Variants in ALKAL1 observed in about 807,000 individuals in gnomAD.
The protein encoded by ALKAL1 is ALK and LTK ligand 1.
Under a neutral mutation model 13.5 loss-of-function variants are expected in ALKAL1, and 23 were observed. The observed-to-expected ratio is 1.70, with a 90% CI of 1.23 to 2.41. ALKAL1 has a LOEUF of 2.41. Among genes scored for constraint, ALKAL1 ranks in the 30% most tolerant of loss-of-function variants. The pLI, the probability that ALKAL1 is intolerant of heterozygous loss-of-function variation, is 0.00. For missense variants in ALKAL1, 181 were observed against 178.4 expected (o/e 1.01, Z -0.08); for synonymous variants, 85 against 77.7 (o/e 1.09, Z -0.49).
At chr8:52,538,649 C>T (rs1172577017) in intron 3 of ALKAL1, 142 bp from the exon 4 acceptor site, 1 of 605,688 alleles carries the variant, frequency 1.7e-6, no homozygotes, top group Non-Finnish European at 2.9e-6. Flanking sequence ...AATGGATTTT[C>T]TCATCAATTC....
intron 1 of ALKAL1, among the ~76,000 whole-genome samples, chr8:52,559,346 T>TA (rs1392166053): frequency 6.6e-6 from 1 of 152,112 alleles, no homozygotes; most frequent in Non-Finnish European, 1.5e-5. Flanking sequence ...GAGCTGTGGG[T>TA]ACATGCAAGG....
intron 1 of ALKAL1, among the ~76,000 whole-genome samples, chr8:52,548,129 G>A (rs922415699): frequency 1.3e-4 from 20 of 151,826 alleles, no homozygotes; most frequent in Non-Finnish European, 2.2e-4. Context: ...CCGGTGGATC[G>A]CCTGAGGTCA....
intron 4 of ALKAL1, among the ~76,000 whole-genome samples, chr8:52,536,501 G>A (rs1053153994): frequency 9.9e-5 from 15 of 152,254 alleles, no homozygotes; most frequent in East Asian, 9.7e-4. Flanking sequence ...GGGCTCCTAC[G>A]ATAAATTAGC....
intron 1 of ALKAL1, among the ~76,000 whole-genome samples, chr8:52,556,519 C>T (rs919179533): frequency 5.3e-5 from 8 of 151,466 alleles, no homozygotes; most frequent in South Asian, 2.1e-4. Flanking sequence ...TGGTGGCGCG[C>T]GCCTGTAGTC....
chr8:52,557,341 G>A (rs1847495025), intron 1 of ALKAL1, among the ~76,000 whole-genome samples: 1 of 152,126 alleles, frequency 6.6e-6, no homozygotes, highest in Non-Finnish European at 1.5e-5. Flanking sequence ...TCTTCCCTGT[G>A]GCACAGACAA....
intron 2 of ALKAL1, among the ~76,000 whole-genome samples, 187 bp downstream of exon 2, chr8:52,542,205 C>T (rs1847320473): frequency 1.3e-5 from 2 of 152,166 alleles, no homozygotes; most frequent in Non-Finnish European, 2.9e-5. Flanking sequence ...GTGGCTCATA[C>T]TTCTATTACT....
rs1847463409 is a variant in ALKAL1, at chr8:52,554,731, T to C, written c.190+10336A>G. On this transcript the variant is annotated intron_variant, in intron 1 of 4. Transcript: ENST00000358543. ...TGGAACCTTGGGGTACACAAACACT[T>C]AAAGGCTGAAGAAGAGATGTTTGGA... Among the ~76,000 whole-genome samples the C allele has an allele frequency of 2.0e-5, 3 of 152,104 alleles. No individual in the cohort carries two copies. In the South Asian group the frequency reaches 6.2e-4, roughly 32 times the overall value.
At chr8:52,556,646 C>CAAAAAAAA (rs59483863) in intron 1 of ALKAL1, among the ~76,000 whole-genome samples, 1 of 51,372 alleles carries the variant, frequency 1.9e-5, no homozygotes, top group African/African-American at 9.0e-5. Flanking sequence ...AACTCTGTCT[C>CAAAAAAAA]AAAAAAAAAA....
At chr8:52,535,462 G>A (rs1392166333) in intron 4 of ALKAL1, among the ~76,000 whole-genome samples, 1 of 144,766 alleles carries the variant, frequency 6.9e-6, no homozygotes, top group African/African-American at 2.6e-5. Context: ...GAGGTGGGAG[G>A]ATCACTGGAC....
rs1462900281 is a variant in ALKAL1 at position 52,565,264 on chromosome 8, A to T, written c.-8T>A. On this transcript the variant is annotated 5_prime_UTR_variant, in exon 1 of 5. It adds an upstream start codon to the 5' untranslated region. Coordinates refer to ENST00000358543, the MANE Select transcript of ALKAL1 (RefSeq NM_207413.4). ...GGGCTTAAGGGGCCGCATGTTCGCA[A>T]GCCGGGAGGAGAGAGCGGGAGACTC... 5 of 1,302,862 alleles carry T rather than the reference A, an allele frequency of 3.8e-6. No homozygotes were observed. In the Admixed American group the frequency reaches 1.7e-4, roughly 43 times the overall value. The allele number at this position is 1,302,862 out of a possible 1,614,324, so 80.7% of individuals were successfully genotyped here.
At chr8:52,543,444 G>A (rs541959234) in intron 1 of ALKAL1, among the ~76,000 whole-genome samples, 19 of 152,308 alleles carry the variant, frequency 1.2e-4, no homozygotes, top group African/African-American at 3.8e-4. Flanking sequence ...CCTGAGGGAC[G>A]TGGGAACACT....
chr8:52,564,684 T>C (rs1221216698), intron 1 of ALKAL1, among the ~76,000 whole-genome samples: 2 of 152,132 alleles, frequency 1.3e-5, no homozygotes, highest in Admixed American at 1.3e-4. Context: ...GACAGCAATC[T>C]TAGTTAATTC....
chr8:52,559,327 A>ATAGCTG (rs1368549123), intron 1 of ALKAL1, among the ~76,000 whole-genome samples: 1 of 152,194 alleles, frequency 6.6e-6, no homozygotes, highest in Non-Finnish European at 1.5e-5. Flanking sequence ...ACTGGAACGT[A>ATAGCTG]TAGCTGTAGA....
intron 1 of ALKAL1, among the ~76,000 whole-genome samples, chr8:52,556,402 C>G (rs1266761771): frequency 6.6e-6 from 1 of 151,864 alleles, no homozygotes; most frequent in African/African-American, 2.4e-5. Context: ...AATCCCAGCA[C>G]TTTGGGAGGC....
chr8:52,548,750 T>C (rs1241144993), intron 1 of ALKAL1, among the ~76,000 whole-genome samples: 1 of 152,108 alleles, frequency 6.6e-6, no homozygotes, highest in Non-Finnish European at 1.5e-5. Context: ...CTTGGAACAA[T>C]TTGAATAAAT....
intron 2 of ALKAL1, among the ~76,000 whole-genome samples, chr8:52,540,905 C>T (rs1263330655): frequency 2.0e-5 from 3 of 152,150 alleles, no homozygotes; most frequent in Non-Finnish European, 2.9e-5. Context: ...TCCTCAGGAC[C>T]ATCCTTTCCG....
At chr8:52,541,089 A>G (rs1847307724) in intron 2 of ALKAL1, among the ~76,000 whole-genome samples, 1 of 152,252 alleles carries the variant, frequency 6.6e-6, no homozygotes, top group Non-Finnish European at 1.5e-5. Context: ...GTGATTTGCT[A>G]GAAATTGGGA....
intron 4 of ALKAL1, among the ~76,000 whole-genome samples, chr8:52,534,998 A>G (rs888472349): frequency 6.6e-6 from 1 of 152,210 alleles, no homozygotes; most frequent in Non-Finnish European, 1.5e-5. Flanking sequence ...TAAAATCTAT[A>G]ATTTTTAAAA....
chr8:52,543,940 A>G (rs1165799537), intron 1 of ALKAL1, among the ~76,000 whole-genome samples: 1 of 152,216 alleles, frequency 6.6e-6, no homozygotes, highest in South Asian at 2.1e-4. Flanking sequence ...TGTGTAGAAA[A>G]TTACATATTT....
Sources: gnomAD v4.1 joint callset for allele counts (sites outside exome capture counted in the v4.1 genomes callset) on GRCh38, gnomAD v4.1.1 for gene constraint, MANE v1.5 for transcripts, NCBI Gene and HGNC (gene_info 2026-07-23, HGNC 2026-07-21) for gene names.